PLD5: variants seen among roughly 807,000 people sequenced by gnomAD.
PLD5 encodes inactive phospholipase D5.
Under a neutral mutation model 61.1 loss-of-function variants are expected in PLD5, and 36 were observed. The ratio of observed to expected loss-of-function variants is 0.59; its 90% CI spans 0.45 to 0.78. The LOEUF is 0.78. Ranked by LOEUF, PLD5 falls within the 30% of genes least tolerant of loss-of-function variation. The pLI, the probability that PLD5 is intolerant of heterozygous loss-of-function variation, is 0.00. For synonymous variants in PLD5, 243 were observed against 242.8 expected, an observed-to-expected ratio of 1.00 and a Z score of -0.01; for missense variants, 515 against 644.4, an observed-to-expected ratio of 0.80 and a Z score of 2.17.
At chr1:242,275,035 C>T (rs1674337404) in intron 3 of PLD5, among the ~76,000 whole-genome samples, 1 of 152,040 alleles carries the variant, frequency 6.6e-6, no homozygotes, top group East Asian at 1.9e-4. Flanking sequence ...CTTGGATATA[C>T]CATTATCCTA....
chr1:242,163,199 A>C (rs141880226), intron 5 of PLD5, among the ~76,000 whole-genome samples: 1 of 148,482 alleles, frequency 6.7e-6, no homozygotes, highest in African/African-American at 2.5e-5. Context: ...GCTGGAGTGC[A>C]GTGGCGCGAT....
chr1:242,241,869 CTATATATATA>C (rs752113161), intron 4 of PLD5, among the ~76,000 whole-genome samples: 8,548 of 69,598 alleles, frequency 0.12, 492 homozygotes, highest in Middle Eastern at 0.16. Context: ...GCTTTACTTA[CTATATATATA>C]TATATATATA....
chr1:242,508,373 C>CA (rs879858045), intron 1 of PLD5, among the ~76,000 whole-genome samples: 3,395 of 142,722 alleles, frequency 0.024, 123 homozygotes, highest in African/African-American at 0.082. Flanking sequence ...AACTCCGTCT[C>CA]AAAAAAAAAA....
At chr1:242,146,833 A>G (rs1485203870) in intron 5 of PLD5, among the ~76,000 whole-genome samples, 1 of 152,204 alleles carries the variant, frequency 6.6e-6, no homozygotes, top group Admixed American at 6.5e-5. Context: ...CATTTTCTCC[A>G]TGGGAATCAC....
rs530539083 is a variant in PLD5 at position 242,088,197 on chromosome 1, G to T, written c.*1657C>A. 38 of 152,204 alleles carry T rather than the reference G, an allele frequency of 2.5e-4. No individual in the cohort carries two copies. The highest frequency in any genetic ancestry group is 2.2e-3 in the Admixed American group (33 of 15,280). The allele number at this position is 152,204 out of a possible 1,614,324, so 9.4% of individuals were successfully genotyped here. A position where few individuals can be genotyped will look rare whatever the true frequency, so the allele number is the denominator to read the frequency against. ...TGTATATTATGGTCCTGAAGAACCA[G>T]CTCTAGCACGACGTCTAGTTTTGTG... On this transcript the variant is annotated 3_prime_UTR_variant, in exon 10 of 10. Transcript: ENST00000536534.
chr1:242,214,530 C>A (rs1422217008), intron 5 of PLD5, among the ~76,000 whole-genome samples: 1 of 152,148 alleles, frequency 6.6e-6, no homozygotes, highest in East Asian at 1.9e-4. Context: ...TGGCAATAAT[C>A]AAGCAGACCT....
chr1:242,348,718 T>C (rs1384359746), intron 1 of PLD5, among the ~76,000 whole-genome samples: 2 of 152,278 alleles, frequency 1.3e-5, no homozygotes, highest in Non-Finnish European at 2.9e-5. Context: ...CCCAAGGTGG[T>C]TGGGCCATAA....
intron 4 of PLD5, among the ~76,000 whole-genome samples, chr1:242,258,983 G>A (rs549585922): frequency 6.6e-6 from 1 of 152,350 alleles, no homozygotes; most frequent in African/African-American, 2.4e-5. Context: ...GAAGGCTCAT[G>A]TCTTAGTCAT....
chr1:242,112,541 C>T (rs1190787918), intron 7 of PLD5, among the ~76,000 whole-genome samples: 2 of 152,052 alleles, frequency 1.3e-5, no homozygotes, highest in Non-Finnish European at 2.9e-5. Flanking sequence ...AAAAGTATTT[C>T]AATAATATGA....
chr1:242,425,045 T>A (rs1665342498), intron 1 of PLD5, among the ~76,000 whole-genome samples: 1 of 152,110 alleles, frequency 6.6e-6, no homozygotes, highest in Admixed American at 6.5e-5. Context: ...GGTAGGAGAA[T>A]CACTTGAACC....
At chr1:242,368,920 A>G (rs1485583522) in intron 1 of PLD5, among the ~76,000 whole-genome samples, 2 of 152,122 alleles carry the variant, frequency 1.3e-5, no homozygotes, top group Admixed American at 6.6e-5. Flanking sequence ...TGCCCTCACT[A>G]TCTGCCTAAA....
At chr1:242,298,874 T>G (rs565627152) in intron 2 of PLD5, among the ~76,000 whole-genome samples, 1 of 152,002 alleles carries the variant, frequency 6.6e-6, no homozygotes, top group South Asian at 2.2e-4. Context: ...TTGAGGAGGA[T>G]GAAGACAAAA....
At chr1:242,325,338 G>A (rs1009808544) in intron 2 of PLD5, among the ~76,000 whole-genome samples, 6 of 150,666 alleles carry the variant, frequency 4.0e-5, no homozygotes, top group African/African-American at 1.5e-4. Context: ...ATAGGTAAGG[G>A]TGTTAAGCCT....
At chr1:242,244,604 G>A (rs1279454528) in intron 4 of PLD5, among the ~76,000 whole-genome samples, 2 of 152,160 alleles carry the variant, frequency 1.3e-5, no homozygotes, top group Non-Finnish European at 2.9e-5. Context: ...GTGTAACCAG[G>A]GTGTCATTTC....
intron 1 of PLD5, among the ~76,000 whole-genome samples, chr1:242,489,054 C>A (rs7526731): frequency 0.53 from 81,131 of 151,976 alleles, 22,764 homozygotes; most frequent in African/African-American, 0.71. Flanking sequence ...GACATCTGCA[C>A]CAATATGGAT....
At chr1:242,441,894 C>T (rs1666293622) in intron 1 of PLD5, among the ~76,000 whole-genome samples, 1 of 152,202 alleles carries the variant, frequency 6.6e-6, no homozygotes, top group African/African-American at 2.4e-5. Context: ...AAACTTATTC[C>T]TTACAAAGAT....
chr1:242,149,552 T>A (rs575071976), intron 5 of PLD5, among the ~76,000 whole-genome samples: 5 of 151,714 alleles, frequency 3.3e-5, no homozygotes, highest in Non-Finnish European at 7.4e-5. Context: ...GAATTGTTAC[T>A]GTTTCTTCCT....
At chr1:242,314,666 C>G (rs1403476165) in intron 2 of PLD5, among the ~76,000 whole-genome samples, 1 of 152,142 alleles carries the variant, frequency 6.6e-6, no homozygotes, top group Non-Finnish European at 1.5e-5. Context: ...CATGGAATAG[C>G]TCTGCTTTTC....
intron 5 of PLD5, among the ~76,000 whole-genome samples, chr1:242,205,206 T>C (rs1283294839): frequency 2.0e-5 from 3 of 152,206 alleles, no homozygotes; most frequent in Non-Finnish European, 2.9e-5. Flanking sequence ...CACTTGGGAA[T>C]GACCTCCTGA....
Sources: gnomAD v4.1 joint callset for allele counts (sites outside exome capture counted in the v4.1 genomes callset) on GRCh38, gnomAD v4.1.1 for gene constraint, MANE v1.5 for transcripts, NCBI Gene and HGNC (gene_info 2026-07-23, HGNC 2026-07-21) for gene names.